Variants in CLASP1 observed in about 807,000 individuals in gnomAD.
CLASP1 encodes the protein cytoplasmic linker associated protein 1, also known as CLIP-associating protein 1.
Under a neutral mutation model 192.3 loss-of-function variants are expected in CLASP1, and 38 were observed. The ratio of observed to expected loss-of-function variants is 0.20; its 90% CI spans 0.15 to 0.26. The LOEUF is 0.26. CLASP1 is among the 10% of genes least tolerant of loss of function. The pLI is 1.00. For synonymous variants in CLASP1, 691 were observed against 712.8 expected (o/e 0.97, Z 0.49); for missense variants, 1,433 against 1,932.5 (o/e 0.74, Z 4.85).
chr2:121,530,952 C>CT, intron 2 of CLASP1: 2 of 700,418 alleles, frequency 2.9e-6, no homozygotes, highest in Non-Finnish European at 2.6e-6. Context: ...AACGCCTGAA[C>CT]AACACACCCG....
At chr2:121,528,853 C>G in intron 3 of CLASP1, 73 bp from the exon 4 acceptor site, 1 of 1,155,550 alleles carries the variant, frequency 8.7e-7, no homozygotes. Flanking sequence ...ATTCCTATCT[C>G]AATTATGTGG....
intron 2 of CLASP1, among the ~76,000 whole-genome samples, chr2:121,534,552 T>G (rs1251619051): frequency 6.6e-6 from 1 of 152,184 alleles, no homozygotes; most frequent in African/African-American, 2.4e-5. Flanking sequence ...TTGTTTGTTT[T>G]TTTGAGACAG....
At chr2:121,493,712 C>T (rs984082782) in intron 8 of CLASP1, among the ~76,000 whole-genome samples, 2 of 151,270 alleles carry the variant, frequency 1.3e-5, no homozygotes, top group African/African-American at 2.4e-5. Context: ...GGATTAATAA[C>T]CAGAATATAT....
chr2:121,646,118 T>C (rs2073128779), intron 1 of CLASP1, among the ~76,000 whole-genome samples: 1 of 152,220 alleles, frequency 6.6e-6, no homozygotes, highest in Non-Finnish European at 1.5e-5. Context: ...TTCCCTTGTT[T>C]TGTTTTTGTT....
At chr2:121,504,676 T>C (rs1317285505) in intron 7 of CLASP1, among the ~76,000 whole-genome samples, 4 of 152,222 alleles carry the variant, frequency 2.6e-5, no homozygotes, top group African/African-American at 7.2e-5. Context: ...CTGGAGCTTA[T>C]GCTCTAAGTA....
intron 2 of CLASP1, among the ~76,000 whole-genome samples, chr2:121,563,486 T>C (rs77702648): frequency 0.022 from 3,356 of 152,216 alleles, 120 homozygotes; most frequent in African/African-American, 0.077. Context: ...AGCCAAAAAA[T>C]GAAAAATTAA....
At chr2:121,642,876 G>T (rs915534300) in intron 1 of CLASP1, among the ~76,000 whole-genome samples, 9 of 152,158 alleles carry the variant, frequency 5.9e-5, no homozygotes, top group African/African-American at 2.2e-4. Flanking sequence ...CAAAAAGAAT[G>T]GACACATGGA....
At chr2:121,375,047 T>C (rs2069700137) in intron 34 of CLASP1, among the ~76,000 whole-genome samples, 1 of 152,082 alleles carries the variant, frequency 6.6e-6, no homozygotes, top group South Asian at 2.1e-4. Context: ...TGGCTCTGTG[T>C]CCCCACCCAA....
At chr2:121,511,918 C>CT (rs964737594) in intron 7 of CLASP1, among the ~76,000 whole-genome samples, 10 of 152,162 alleles carry the variant, frequency 6.6e-5, no homozygotes, top group African/African-American at 2.4e-4. Context: ...CTTGGGTTCT[C>CT]TTTAACACTA....
chr2:121,614,845 G>A (rs776625274), intron 1 of CLASP1, among the ~76,000 whole-genome samples: 2 of 152,076 alleles, frequency 1.3e-5, no homozygotes, highest in East Asian at 1.9e-4. Context: ...TGTCAATGTC[G>A]GAGGTCAACA....
intron 9 of CLASP1, among the ~76,000 whole-genome samples, chr2:121,466,464 A>G (rs1454695670): frequency 6.6e-6 from 1 of 152,120 alleles, no homozygotes; most frequent in Non-Finnish European, 1.5e-5. Context: ...CCATGAGTAC[A>G]GCTTTTACTT....
intron 6 of CLASP1, among the ~76,000 whole-genome samples, chr2:121,522,123 T>C (rs955547419): frequency 5.9e-5 from 9 of 152,168 alleles, no homozygotes; most frequent in Non-Finnish European, 4.4e-5. Context: ...TATGTCTGTG[T>C]ATGTGTGTGT....
At chr2:121,375,920 T>C (rs1030882059) in intron 34 of CLASP1, among the ~76,000 whole-genome samples, 1 of 152,200 alleles carries the variant, frequency 6.6e-6, no homozygotes, top group Non-Finnish European at 1.5e-5. Context: ...AAAAAGGCAC[T>C]TAACATTCCT....
chr2:121,529,605 G>A (rs1335171034), intron 3 of CLASP1, among the ~76,000 whole-genome samples: 4 of 152,170 alleles, frequency 2.6e-5, no homozygotes, highest in East Asian at 1.9e-4. Context: ...ATGAAACACC[G>A]GAGGTCAGGA....
intron 37 of CLASP1, among the ~76,000 whole-genome samples, chr2:121,358,845 C>T (rs962769499): frequency 3.9e-5 from 6 of 152,348 alleles, no homozygotes; most frequent in South Asian, 2.1e-4. Context: ...TTAAACACCA[C>T]GACCTTTGTG....
At chr2:121,595,402 C>T (rs1366996637) in intron 2 of CLASP1, among the ~76,000 whole-genome samples, 1 of 152,234 alleles carries the variant, frequency 6.6e-6, no homozygotes, top group Admixed American at 6.5e-5. Flanking sequence ...TACTAGTAAA[C>T]ATTAGCTGTT....
intron 2 of CLASP1, among the ~76,000 whole-genome samples, chr2:121,564,563 G>A (rs894379170): frequency 6.6e-6 from 1 of 152,094 alleles, no homozygotes; most frequent in African/African-American, 2.4e-5. Flanking sequence ...CTCTCTCTAT[G>A]GTACGATATT....
At chr2:121,418,712 G>A in exon 23 of CLASP1, 1 of 1,613,484 alleles carries the variant, frequency 6.2e-7, no homozygotes, top group South Asian at 1.1e-5. Flanking sequence ...CTGGGTCGAG[G>A]GATACGGCTG....
chr2:121,544,943 G>A (rs183790551), intron 2 of CLASP1, among the ~76,000 whole-genome samples: 125 of 143,116 alleles, frequency 8.7e-4, no homozygotes, highest in Admixed American at 2.3e-3. Context: ...ACGGAGTCTC[G>A]CTCTGTCACC....
Sources: gnomAD v4.1 joint callset for allele counts (sites outside exome capture counted in the v4.1 genomes callset) on GRCh38, gnomAD v4.1.1 for gene constraint, MANE v1.5 for transcripts, NCBI Gene and HGNC (gene_info 2026-07-23, HGNC 2026-07-21) for gene names.